ZNF782: variants seen among roughly 807,000 people sequenced by gnomAD.
The protein encoded by ZNF782 is zinc finger protein 782.
A neutral mutation model predicts 13.0 loss-of-function variants in ZNF782; 12 were observed. The observed-to-expected ratio is 0.92, with a 90% confidence interval of 0.59 to 1.50. ZNF782 has a LOEUF of 1.50. ZNF782 is among the 40% of genes most tolerant of loss of function. The probability of loss-of-function intolerance (pLI) is 0.00; values close to 1 mark genes in which losing one functional copy is unlikely to be tolerated. For missense variants in ZNF782, 770 were observed against 822.9 expected (o/e 0.94, Z 0.79); for synonymous variants, 284 against 283.0 (o/e 1.00, Z -0.04).
chr9:96,881,474 G>A, the ZNF782 span, among the ~76,000 whole-genome samples: 3 of 152,080 alleles, frequency 2.0e-5, no homozygotes, highest in Non-Finnish European at 4.4e-5. Flanking sequence ...GTGAATGGAT[G>A]AGTGATCAAC....
At chr9:96,853,844 G>A (rs73546551) in intron 1 of ZNF782, among the ~76,000 whole-genome samples, 4,439 of 152,250 alleles carry the variant, frequency 0.029, 231 homozygotes, top group African/African-American at 0.1. Flanking sequence ...ATGCAGATGT[G>A]GTTGTGAGGT....
chr9:96,854,328 C>G lies in ZNF782; in HGVS notation c.-502G>C, dbSNP rs959699176. The G allele has an allele frequency of 6.6e-6, 1 of 152,302 alleles. No individual in the cohort carries two copies. The allele number at this position is 152,302 out of a possible 1,614,324, so 9.4% of individuals were successfully genotyped here. ...TCCAGCGGCCGGGAAGGCCGAGGGC[C>G]CGCCCGGTCGCATCCACTGACACAG... On this transcript the variant is annotated 5_prime_UTR_variant, in exon 1 of 6. Transcript: ENST00000481138.
chr9:96,923,834 CTTCT>C, the ZNF782 span, among the ~76,000 whole-genome samples: 1 of 144,218 alleles, frequency 6.9e-6, no homozygotes, highest in Non-Finnish European at 1.5e-5. Context: ...TATGAATGAC[CTTCT>C]TTACTTTTCC....
chr9:96,876,050 G>A (rs1234205714), upstream of ZNF782, among the ~76,000 whole-genome samples: 1 of 152,204 alleles, frequency 6.6e-6, no homozygotes, highest in South Asian at 2.1e-4. Flanking sequence ...CGCCTGGCCA[G>A]GTTCTGCCAG....
At chr9:96,858,346 C>T (rs1851668367), upstream of ZNF782, among the ~76,000 whole-genome samples, 1 of 152,204 alleles carries the variant, frequency 6.6e-6, no homozygotes, top group African/African-American at 2.4e-5. This position sits in a 1 kb window ranked among gnomAD's most constrained non-coding sequence, Gnocchi z 4.4. Flanking sequence ...CCAATGCTCA[C>T]CTCACTCAAG....
At chr9:96,910,605 AAAC>A in the ZNF782 span, among the ~76,000 whole-genome samples, 2 of 145,506 alleles carry the variant, frequency 1.4e-5, no homozygotes, top group African/African-American at 5.1e-5. Context: ...GGGGAGGAAA[AAAC>A]AACCAAAACT....
the ZNF782 span, among the ~76,000 whole-genome samples, chr9:96,898,866 G>A: frequency 2.8e-4 from 42 of 148,042 alleles, 3 homozygotes; most frequent in African/African-American, 7.4e-4. Context: ...GAGCCACCGC[G>A]CCTGGCCCAT....
intron 4 of ZNF782, among the ~76,000 whole-genome samples, chr9:96,828,172 T>C (rs886723875): frequency 5.9e-5 from 9 of 152,146 alleles, no homozygotes; most frequent in Non-Finnish European, 7.4e-5. Context: ...CACTACAGCA[T>C]ACACAAAGGC....
At chr9:96,837,060 AAC>A (rs1248478503) in intron 4 of ZNF782, among the ~76,000 whole-genome samples, 1 of 152,216 alleles carries the variant, frequency 6.6e-6, no homozygotes, top group Non-Finnish European at 1.5e-5. Flanking sequence ...CTGTTCTAGC[AAC>A]ACAAACTGGA....
the ZNF782 span, among the ~76,000 whole-genome samples, chr9:96,903,727 T>C: frequency 4.6e-5 from 7 of 151,488 alleles, no homozygotes; most frequent in Admixed American, 4.6e-4. Flanking sequence ...CACACCCGGC[T>C]AATTTTTTGT....
At chr9:96,848,268 C>A (rs542073394) in intron 3 of ZNF782, among the ~76,000 whole-genome samples, 1 of 152,076 alleles carries the variant, frequency 6.6e-6, no homozygotes, top group African/African-American at 2.4e-5. Context: ...CAAGGATGCC[C>A]GCTTTCACCA....
chr9:96,826,943 C>A, intron 5 of ZNF782, 137 bp downstream of exon 5: 1 of 559,286 alleles, frequency 1.8e-6, no homozygotes, highest in Non-Finnish European at 3.0e-6. Context: ...TTGCCCCATG[C>A]ACCTTTTATC....
chr9:96,917,887 C>CGCGCGTGTGTGTGTGT, the ZNF782 span, among the ~76,000 whole-genome samples: 1 of 121,682 alleles, frequency 8.2e-6, no homozygotes, highest in African/African-American at 3.6e-5. Flanking sequence ...CCACCCTTGG[C>CGCGCGTGTGTGTGTGT]GTGTGTGTGT....
rs141396810 is a variant in ZNF782, at chr9:96,822,613, A to G, written c.245-2835T>C. Among the ~76,000 whole-genome samples, 876 of 152,314 alleles carry G rather than the reference A, an allele frequency of 5.8e-3. 8 individuals carry two copies. The highest frequency in any genetic ancestry group is 0.02 in the African/African-American group (844 of 41,574). On this transcript the variant is annotated intron_variant, in intron 5 of 5. Coordinates refer to ENST00000481138, the MANE Select transcript of ZNF782 (RefSeq NM_001001662.3). Reference sequence around the variant, plus strand: ...TGCAAGAACCGCTTTTGGCTTTAAAATTTATACTAATATAGTCTTATTTTT... The same window carrying G: ...TGCAAGAACCGCTTTTGGCTTTAAAGTTTATACTAATATAGTCTTATTTTT...
chr9:96,869,078 T>C (rs1851794301), intron 1 of ZNF782, among the ~76,000 whole-genome samples: 1 of 152,070 alleles, frequency 6.6e-6, no homozygotes, highest in South Asian at 2.1e-4. Flanking sequence ...GCTATGAAGG[T>C]ACTAAGTGGG....
chr9:96,844,805 G>A lies in ZNF782; in HGVS notation c.142+85C>T, dbSNP rs1242679417. 7 of 1,592,290 alleles carry A rather than the reference G, an allele frequency of 4.4e-6. No homozygotes were observed. In the Admixed American group the frequency reaches 8.4e-5, roughly 19 times the overall value. ...AAACCAGAATTGCACTGTAGAGGGA[G>A]TCACATGGTACGGTATGGAGAGAGA... On this transcript the variant is annotated intron_variant, in intron 4 of 5. Coordinates refer to ENST00000481138, the MANE Select transcript of ZNF782 (RefSeq NM_001001662.3).
intron 4 of ZNF782, among the ~76,000 whole-genome samples, chr9:96,839,600 A>T (rs1851126546): frequency 6.6e-6 from 1 of 152,120 alleles, no homozygotes; most frequent in African/African-American, 2.4e-5. Flanking sequence ...TAGTTCAAAA[A>T]TCCAAATTGT....
At chr9:96,873,537 T>C (rs1333261070) in intron 1 of ZNF782, among the ~76,000 whole-genome samples, 1 of 152,262 alleles carries the variant, frequency 6.6e-6, no homozygotes, top group East Asian at 1.9e-4. Flanking sequence ...CCATCTCTAC[T>C]AAAAATACAA....
chr9:96,859,446 C>T (rs975434105), upstream of ZNF782, among the ~76,000 whole-genome samples: 1 of 152,070 alleles, frequency 6.6e-6, no homozygotes, highest in Admixed American at 6.5e-5. Flanking sequence ...TAGGAGGGGG[C>T]ACTGGTCAGA....
Sources: gnomAD v4.1 joint callset for allele counts (sites outside exome capture counted in the v4.1 genomes callset) on GRCh38, gnomAD v4.1.1 for gene constraint, Gnocchi (gnomAD v3.1) non-coding constraint, MANE v1.5 for transcripts, NCBI Gene and HGNC (gene_info 2026-07-23, HGNC 2026-07-21) for gene names.